PCDH11X: variants seen among roughly 807,000 people sequenced by gnomAD.
The protein encoded by PCDH11X is protocadherin 11 X-linked, also known as protocadherin-11 X-linked.
Under a neutral mutation model 53.3 loss-of-function variants are expected in PCDH11X, and 18 were observed. The observed-to-expected ratio is 0.34, with a 90% CI of 0.23 to 0.50. The LOEUF (loss-of-function observed/expected upper bound fraction) is 0.50. PCDH11X is among the 20% of genes least tolerant of loss of function. The pLI, the probability that PCDH11X is intolerant of heterozygous loss-of-function variation, is 0.98. For synonymous variants in PCDH11X, 279 were observed against 393.3 expected, an observed-to-expected ratio of 0.71 and a Z score of 3.44; for missense variants, 570 against 1,032.4, an observed-to-expected ratio of 0.55 and a Z score of 6.14.
At chrX:92,277,514 C>A (rs760494887) in intron 8 of PCDH11X, among the ~76,000 whole-genome samples, 1 of 105,513 alleles carries the variant, frequency 9.5e-6, no homozygotes, top group East Asian at 3.0e-4. Context: ...TTGCCTATAG[C>A]GAAGGAAGCA....
chrX:92,196,683 G>A (rs2066297498), intron 6 of PCDH11X, among the ~76,000 whole-genome samples: 1 of 111,285 alleles, frequency 9.0e-6, no homozygotes, highest in African/African-American at 3.3e-5. Context: ...GTGCTTCATA[G>A]TACCTTACTG....
At chrX:91,912,226 G>A (rs747325934) in intron 6 of PCDH11X, among the ~76,000 whole-genome samples, 1 of 111,260 alleles carries the variant, frequency 9.0e-6, no homozygotes, top group African/African-American at 3.3e-5. Flanking sequence ...TGCAAACAGG[G>A]ATAATTTGAC....
intron 6 of PCDH11X, among the ~76,000 whole-genome samples, chrX:92,037,728 T>G (rs1360969059): frequency 9.0e-5 from 10 of 110,858 alleles, no homozygotes; most frequent in Non-Finnish European, 1.3e-4. Flanking sequence ...TTTTTAATAA[T>G]CATCATTCTG....
chrX:92,341,532 G>A (rs2069759192), intron 8 of PCDH11X, among the ~76,000 whole-genome samples: 2 of 111,276 alleles, frequency 1.8e-5, no homozygotes, highest in South Asian at 7.5e-4. Context: ...TCAGCTTTTG[G>A]GGAGCCCTCA....
At chrX:91,938,033 A>G (rs971269565) in intron 6 of PCDH11X, among the ~76,000 whole-genome samples, 4 of 110,706 alleles carry the variant, frequency 3.6e-5, no homozygotes, top group African/African-American at 1.3e-4. Flanking sequence ...TCTATTTTGC[A>G]TATACTTTCA....
chrX:92,319,591 C>T (rs950544439), intron 8 of PCDH11X, among the ~76,000 whole-genome samples: 2 of 110,363 alleles, frequency 1.8e-5, no homozygotes, highest in African/African-American at 6.6e-5. Context: ...AACTCCTAGG[C>T]TTAAGTGATC....
At chrX:92,331,062 TTACTG>T (rs1383843609) in intron 8 of PCDH11X, among the ~76,000 whole-genome samples, 2 of 102,418 alleles carry the variant, frequency 2.0e-5, no homozygotes, top group African/African-American at 7.1e-5. Context: ...TATGTGCAGT[TTACTG>T]TATGTTAATT....
intron 8 of PCDH11X, among the ~76,000 whole-genome samples, chrX:92,346,863 A>G (rs903685134): frequency 1.8e-5 from 2 of 111,369 alleles, no homozygotes; most frequent in African/African-American, 6.5e-5. Flanking sequence ...CTTAAAGAAG[A>G]TGTCTTGTAG....
At chrX:91,946,822 T>C (rs1287289052) in intron 6 of PCDH11X, among the ~76,000 whole-genome samples, 21 of 99,694 alleles carry the variant, frequency 2.1e-4, no homozygotes, top group African/African-American at 7.2e-4. Context: ...AGAGATAGTT[T>C]AGTAACGCAT....
In PCDH11X at chrX:92,481,689, C is replaced by G. The variant is rs1231361944; in HGVS notation, c.3367+13367C>G. Among the ~76,000 whole-genome samples the G allele has an allele frequency of 2.7e-5, 3 of 111,865 alleles. No homozygotes were observed. The Admixed American group carries it at 2.8e-4, about 11-fold the overall frequency. On this transcript the variant is annotated intron_variant, in intron 10 of 10. Transcript: ENST00000682573. Reference sequence around the variant, plus strand: ...CTAGGGATAAATTCTCCTATTAGAGCAAGTCAAGCCTGGGGGGTGAGAGTC... The same window carrying G: ...CTAGGGATAAATTCTCCTATTAGAGGAAGTCAAGCCTGGGGGGTGAGAGTC...
chrX:92,288,755 G>C (rs2068434047), intron 8 of PCDH11X, among the ~76,000 whole-genome samples: 1 of 109,848 alleles, frequency 9.1e-6, no homozygotes, highest in Non-Finnish European at 1.9e-5. Flanking sequence ...TTTTAATCTT[G>C]ATGTGGTTTT....
intron 4 of PCDH11X, among the ~76,000 whole-genome samples, chrX:91,813,936 C>T (rs368193602): frequency 9.5e-6 from 1 of 104,819 alleles, no homozygotes. Context: ...TTGTTGTCAG[C>T]TGTAACAGGT....
At position 92,201,450 on chromosome X, in the gene PCDH11X, C is replaced by A; in HGVS notation, c.3109C>A (p.Pro1037Thr). The A allele has an allele frequency of 1.7e-6, 2 of 1,174,392 alleles. No individual in the cohort carries two copies. The highest frequency in any genetic ancestry group is 2.3e-6 in the Non-Finnish European group (2 of 867,619). Residue 1037 changes from proline to threonine, a missense_variant, in exon 7 of 11, where the codon CCA (proline) becomes ACA (threonine). Transcript: ENST00000682573. ...TATGGAGATCTGGATTCATCCCCAACCACAGGTATGGCAAAAGCCCTATGA... is the reference window on the plus strand; with the variant it reads ...TATGGAGATCTGGATTCATCCCCAAACACAGGTATGGCAAAAGCCCTATGA... ...TTMEIWIHPQ[P>T]QRKSEGKVAG...
intron 9 of PCDH11X, among the ~76,000 whole-genome samples, chrX:92,425,549 G>T (rs2072088011): frequency 9.1e-6 from 1 of 110,085 alleles, no homozygotes; most frequent in Non-Finnish European, 1.9e-5. Flanking sequence ...TGCAGGGGAA[G>T]ATTGGGTTTG....
intron 6 of PCDH11X, among the ~76,000 whole-genome samples, chrX:92,037,628 T>G (rs1363470923): frequency 9.0e-6 from 1 of 110,568 alleles, no homozygotes; most frequent in Non-Finnish European, 1.9e-5. Context: ...CACACTATCT[T>G]CCACAATTGT....
intron 8 of PCDH11X, among the ~76,000 whole-genome samples, chrX:92,296,712 G>A (rs1208111122): frequency 2.0e-5 from 2 of 99,869 alleles, no homozygotes; most frequent in Admixed American, 1.1e-4. Context: ...GAACATCCAT[G>A]TGCATGTGTC....
chrX:91,839,776 A>C (rs1937451504), intron 5 of PCDH11X, among the ~76,000 whole-genome samples: 1 of 111,339 alleles, frequency 9.0e-6, no homozygotes, highest in African/African-American at 3.3e-5. Context: ...CTTTAAAGAA[A>C]AAAAATCATC....
intron 6 of PCDH11X, among the ~76,000 whole-genome samples, chrX:92,131,338 A>G (rs2064968083): frequency 8.9e-6 from 1 of 111,805 alleles, no homozygotes; most frequent in Admixed American, 9.6e-5. Flanking sequence ...AGATAGAAAA[A>G]GAAAATAAAT....
chrX:92,111,753 T>G (rs2148158963), intron 6 of PCDH11X, among the ~76,000 whole-genome samples: 1 of 109,170 alleles, frequency 9.2e-6, no homozygotes, highest in Admixed American at 9.8e-5. Flanking sequence ...TCATTTTTCA[T>G]TTATTTATTT....
Sources: allele counts gnomAD v4.1 joint callset (sites outside exome capture counted in the v4.1 genomes callset), GRCh38; gene constraint gnomAD v4.1.1; transcripts MANE v1.5; gene names NCBI Gene and HGNC (gene_info 2026-07-23, HGNC 2026-07-21).